The following ANKRD11 variants were observed in gnomAD, a reference collection of about 807,000 sequenced individuals.
ANKRD11 encodes the protein ankyrin repeat domain-containing protein 11.
In ANKRD11, 17 loss-of-function variants were observed where a neutral mutation model predicts 195.7. That is an observed-to-expected ratio of 0.09 (90% confidence interval 0.06 to 0.13). ANKRD11 has a LOEUF of 0.13. Among genes scored for constraint, ANKRD11 ranks in the 10% least tolerant of loss-of-function variants. ANKRD11 has a pLI of 1.00. For missense variants in ANKRD11, 3,735 were observed against 3,566.1 expected (o/e 1.05, Z -1.21); for synonymous variants, 1,953 against 1,528.1 (o/e 1.28, Z -6.49).
intron 4 of ANKRD11, chr16:89,299,826 G>C (rs1237606795): frequency 1.1e-5 from 2 of 190,402 alleles, no homozygotes; most frequent in South Asian, 5.0e-5. Flanking sequence ...GGGCTGCGTG[G>C]GGTCTGTGCC....
In ANKRD11 at chr16:89,283,304, G is replaced by T. The variant is rs867828589; in HGVS notation, c.3238C>A (p.Leu1080Ile). 6.2e-7 allele frequency: 1 copy of T among 1,614,040 alleles called. No homozygotes were observed. The highest frequency in any genetic ancestry group is 8.5e-7 in the Non-Finnish European group (1 of 1,180,048). Residue 1080 changes from leucine to isoleucine, a missense_variant, in exon 9 of 13, where the codon CTC (leucine) becomes ATC (isoleucine). Transcript: ENST00000301030. This position sits in a 1 kb window ranked among gnomAD's most constrained non-coding sequence, Gnocchi z 4.3. Reference protein sequence around the residue: ...HGKDKERKASLDQGKEKKEKA... With the variant: ...HGKDKERKASIDQGKEKKEKA... ...TCCTTCTTCTCTTTCCCTTGGTCGA[G>T]AGACGCTTTCCTTTCTTTGTCTTTG...
chr16:89,271,002 C>T, intron 11 of ANKRD11, 93 bp from the exon 12 acceptor site: 1 of 1,172,498 alleles, frequency 8.5e-7, no homozygotes, highest in Non-Finnish European at 1.3e-6. Context: ...TGACCGTTCT[C>T]AAGGGACAAC....
At chr16:89,347,645 G>A (rs2152019177) in intron 2 of ANKRD11, among the ~76,000 whole-genome samples, 1 of 150,544 alleles carries the variant, frequency 6.6e-6, no homozygotes, top group East Asian at 2.0e-4. Flanking sequence ...TCCAGGTTGT[G>A]AAAATGTGAC....
intron 1 of ANKRD11, among the ~76,000 whole-genome samples, chr16:89,466,610 G>A (rs948460786): frequency 3.9e-5 from 6 of 152,208 alleles, no homozygotes; most frequent in Non-Finnish European, 5.9e-5. Flanking sequence ...CTCAGAAAAC[G>A]ACGATTAGTG....
rs1165680827 is a variant in ANKRD11 at position 89,337,429 on chromosome 16, C to CTTTTTTTTTTTTT, written c.-59-20364_-59-20352dup. ...ATACATGAACATGGTCTAAGCAATT[C>CTTTTTTTTTTTTT]TTTTTTTTTTTTTTTTTTTTTTTTT... On this transcript the variant is annotated intron_variant, in intron 2 of 12. Transcript: ENST00000301030. Among the ~76,000 whole-genome samples, 230 of 53,134 alleles carry CTTTTTTTTTTTTT rather than the reference C, an allele frequency of 4.3e-3. 64 individuals are homozygous for CTTTTTTTTTTTTT. Among genetic ancestry groups the CTTTTTTTTTTTTT allele is most frequent in the South Asian group, 0.015 (12 of 816 alleles). 34.9% of individuals were successfully genotyped at this position (53,134 alleles called of 152,430 possible).
chr16:89,352,963 G>C (rs2039290301), intron 2 of ANKRD11, among the ~76,000 whole-genome samples: 1 of 152,176 alleles, frequency 6.6e-6, no homozygotes, highest in Non-Finnish European at 1.5e-5. Flanking sequence ...CTTCAGAAAA[G>C]TTTATGGAAA....
chr16:89,284,381 T>C lies in ANKRD11; in HGVS notation c.2161A>G (p.Ile721Val). ...CTGATGTCTTTGTTTGTGTCTTTGA[T>C]TCTCTTCAGTGATTTTTCATCTTTA... ...LFKDEKSLKR[I>V]KDTNKDISRS... is the part of the protein sequence containing the mutation. Residue 721 changes from isoleucine to valine, a missense_variant, in exon 9 of 13, where the codon ATC (isoleucine) becomes GTC (valine). By Grantham distance (29) the Ile-to-Val change is conservative. Coordinates refer to ENST00000301030, the MANE Select transcript of ANKRD11 (RefSeq NM_013275.6). 6.2e-7 allele frequency: 1 copy of C among 1,613,902 alleles called. No individual in the cohort carries two copies. The highest frequency in any genetic ancestry group is 1.3e-5 in the African/African-American group (1 of 75,062).
At chr16:89,368,643 C>A (rs1052632881) in intron 2 of ANKRD11, among the ~76,000 whole-genome samples, 14 of 150,294 alleles carry the variant, frequency 9.3e-5, no homozygotes, top group Non-Finnish European at 1.6e-4. Context: ...TGCCATGGCT[C>A]ACATCTGTAA....
At chr16:89,462,208 T>G (rs2056702614) in intron 1 of ANKRD11, among the ~76,000 whole-genome samples, 1 of 152,208 alleles carries the variant, frequency 6.6e-6, no homozygotes, top group African/African-American at 2.4e-5. Context: ...GCCTGCCGAG[T>G]GCCTGCGATT....
At chr16:89,331,749 A>T (rs1365198736) in intron 2 of ANKRD11, among the ~76,000 whole-genome samples, 1 of 152,082 alleles carries the variant, frequency 6.6e-6, no homozygotes, top group Non-Finnish European at 1.5e-5. Flanking sequence ...GCCTCCCAAA[A>T]TATTGGGGCT....
intron 12 of ANKRD11, 71 bp from the exon 13 acceptor site, chr16:89,268,734 C>G (rs902680755): frequency 1.2e-5 from 18 of 1,524,696 alleles, no homozygotes; most frequent in Non-Finnish European, 1.6e-5. Flanking sequence ...CCGACCTCAG[C>G]TGCCAGCAGG....
At chr16:89,375,835 C>A (rs2040401546) in intron 2 of ANKRD11, among the ~76,000 whole-genome samples, 1 of 149,638 alleles carries the variant, frequency 6.7e-6, no homozygotes, top group African/African-American at 2.5e-5. Context: ...TACTCAATAC[C>A]ATAAACCCTA....
At chr16:89,454,882 C>T (rs1347689698) in intron 1 of ANKRD11, among the ~76,000 whole-genome samples, 2 of 96,630 alleles carry the variant, frequency 2.1e-5, no homozygotes, top group South Asian at 4.4e-4. Context: ...CCCCTGGGTG[C>T]TTCTAGGGTT....
intron 1 of ANKRD11, among the ~76,000 whole-genome samples, chr16:89,475,313 G>A (rs2057220448): frequency 6.6e-6 from 1 of 152,134 alleles, no homozygotes; most frequent in Non-Finnish European, 1.5e-5. Context: ...GGCCAAGCTG[G>A]GATGTGAAAG....
intron 2 of ANKRD11, among the ~76,000 whole-genome samples, chr16:89,336,848 G>A (rs981762266): frequency 4.6e-5 from 7 of 151,926 alleles, no homozygotes; most frequent in East Asian, 3.9e-4. Context: ...ACTGCAGGCC[G>A]GGCGCGGTGG....
At chr16:89,383,283 A>G (rs1177955177) in intron 2 of ANKRD11, among the ~76,000 whole-genome samples, 1 of 152,208 alleles carries the variant, frequency 6.6e-6, no homozygotes. Flanking sequence ...AAGCACTGCC[A>G]TTAGGATTTC....
At chr16:89,390,668 G>A (rs1014352133) in intron 2 of ANKRD11, among the ~76,000 whole-genome samples, 1 of 152,070 alleles carries the variant, frequency 6.6e-6, no homozygotes, top group African/African-American at 2.4e-5. Flanking sequence ...CAGGCAAAAG[G>A]GACGACAGGT....
At chr16:89,383,731 C>T (rs2040768963) in intron 2 of ANKRD11, among the ~76,000 whole-genome samples, 1 of 152,152 alleles carries the variant, frequency 6.6e-6, no homozygotes, top group African/African-American at 2.4e-5. Context: ...GACGTCCAGC[C>T]CCTGCACTCG....
At position 89,284,089 on chromosome 16, in the gene ANKRD11, C is replaced by T. The variant is rs1049311989; in HGVS notation, c.2453G>A (p.Cys818Tyr). The change falls in exon 9 of 13, where the codon TGT becomes TAT. Residue 818 changes from cysteine (C) to tyrosine (Y), a missense_variant. By Grantham distance (194) the Cys-to-Tyr change is radical (BLOSUM62 -2). Transcript: ENST00000301030. ...YREDSAFDEYCNKNQFLENED... is the reference protein window; with the variant it reads ...YREDSAFDEYYNKNQFLENED... ...ATTCTCCAGAAACTGATTTTTGTTA[C>T]AATATTCGTCAAAAGCAGAATCTTC... 8 of 1,613,970 alleles carry T rather than the reference C, an allele frequency of 5.0e-6. 1 individual carries two copies. In the Middle Eastern group the frequency reaches 5.0e-4, roughly 100 times the overall value.
Sources: gnomAD v4.1 joint callset for allele counts (sites outside exome capture counted in the v4.1 genomes callset) on GRCh38, gnomAD v4.1.1 for gene constraint, Gnocchi (gnomAD v3.1) non-coding constraint, MANE v1.5 for transcripts, NCBI Gene and HGNC (gene_info 2026-07-23, HGNC 2026-07-21) for gene names.